SNX29: variants seen among roughly 807,000 people sequenced by gnomAD.
SNX29 encodes the protein sorting nexin-29.
Under a neutral mutation model 102.1 loss-of-function variants are expected in SNX29, and 78 were observed. The ratio of observed to expected loss-of-function variants is 0.76; its 90% CI spans 0.64 to 0.92. SNX29 has a LOEUF of 0.92. Ranked by LOEUF, SNX29 falls within the 40% of genes least tolerant of loss-of-function variation. The pLI is 0.00. For missense variants in SNX29, 1,280 were observed against 1,061.7 expected (o/e 1.21, Z -2.86); for synonymous variants, 580 against 414.5 (o/e 1.40, Z -4.85).
At chr16:12,299,525 A>G (rs1224327258) in intron 15 of SNX29, among the ~76,000 whole-genome samples, 3 of 152,280 alleles carry the variant, frequency 2.0e-5, no homozygotes, top group African/African-American at 7.2e-5. Context: ...CCAGACCTGG[A>G]AACACCTGTT....
At chr16:12,103,961 A>T (rs1396139462) in intron 11 of SNX29, among the ~76,000 whole-genome samples, 1 of 152,250 alleles carries the variant, frequency 6.6e-6, no homozygotes, top group Non-Finnish European at 1.5e-5. Context: ...TTATGTGATT[A>T]GAACCTTTCT....
chr16:12,566,436 A>G (rs964605143), intron 20 of SNX29, among the ~76,000 whole-genome samples: 3 of 147,758 alleles, frequency 2.0e-5, no homozygotes, highest in Non-Finnish European at 4.5e-5. Context: ...TCTCCCCCCA[A>G]GCTCTGGTCA....
intron 20 of SNX29, among the ~76,000 whole-genome samples, chr16:12,535,019 T>A (rs1373620187): frequency 6.6e-6 from 1 of 152,134 alleles, no homozygotes; most frequent in Non-Finnish European, 1.5e-5. Flanking sequence ...CCTGAGAAGC[T>A]GGCTCGTTGG....
chr16:12,371,397 C>T (rs1403432470), intron 16 of SNX29, among the ~76,000 whole-genome samples: 2 of 152,136 alleles, frequency 1.3e-5, no homozygotes, highest in Non-Finnish European at 2.9e-5. Flanking sequence ...CTCCTGGGCT[C>T]AGCGATCCTT....
intron 20 of SNX29, among the ~76,000 whole-genome samples, chr16:12,531,457 A>C (rs2076930493): frequency 6.6e-6 from 1 of 152,174 alleles, no homozygotes; most frequent in Non-Finnish European, 1.5e-5. Context: ...GCCAAGAGGA[A>C]AGGGGGACAT....
In SNX29 at chr16:12,467,106, C is replaced by T. The variant is rs145922208; in HGVS notation, c.2038-10613C>T. Among the ~76,000 whole-genome samples the T allele has an allele frequency of 4.0e-3, 603 of 152,258 alleles. 5 individuals carry two copies. Among genetic ancestry groups the T allele is most frequent in the African/African-American group, 0.014 (575 of 41,540 alleles). On this transcript the variant is annotated intron_variant, in intron 18 of 20. Coordinates refer to ENST00000566228, the MANE Select transcript of SNX29 (RefSeq NM_032167.5). ...AGTCGGGCAGACCTGGGCTTCAGTC[C>T]TTGTTTCACTTCTAACTAGCTCTTT...
At chr16:12,168,055 C>T (rs1163832074) in intron 13 of SNX29, among the ~76,000 whole-genome samples, 19 of 152,318 alleles carry the variant, frequency 1.2e-4, no homozygotes, top group Admixed American at 1.1e-3. Context: ...CACAGTGTCC[C>T]AGGCACTGGG....
At chr16:12,429,386 T>C (rs1446631818) in intron 18 of SNX29, among the ~76,000 whole-genome samples, 1 of 152,240 alleles carries the variant, frequency 6.6e-6, no homozygotes. Context: ...TTTTCTTTAG[T>C]TGGAATCGTG....
chr16:12,458,592 T>C (rs2086635769), intron 18 of SNX29, among the ~76,000 whole-genome samples: 1 of 152,226 alleles, frequency 6.6e-6, no homozygotes. Context: ...CTCTTGGTGT[T>C]GGCTGCAAGG....
At position 12,351,674 on chromosome 16, in the gene SNX29, T is replaced by C. The variant is rs556424189; in HGVS notation, c.1783-4489T>C. On this transcript the variant is annotated intron_variant, in intron 15 of 20. Coordinates refer to ENST00000566228, the MANE Select transcript of SNX29 (RefSeq NM_032167.5). ...CTTAAAAGTTTTCTCACAGCCACAT[T>C]ATTTTTGGAGATCATCTTTCCTGAT... 6.6e-5 allele frequency among the ~76,000 whole-genome samples: 10 copies of C among 152,304 alleles called. No homozygotes were observed. In the East Asian group the frequency reaches 1.9e-3, roughly 29 times the overall value.
chr16:12,340,373 A>G (rs2081576415), intron 15 of SNX29, among the ~76,000 whole-genome samples: 1 of 152,230 alleles, frequency 6.6e-6, no homozygotes, highest in Non-Finnish European at 1.5e-5. Context: ...GTCAGTAAGC[A>G]TTCCTAACCT....
intron 18 of SNX29, 69 bp from the exon 19 acceptor site, chr16:12,477,650 G>C: frequency 1.3e-6 from 2 of 1,575,658 alleles, no homozygotes; most frequent in Non-Finnish European, 1.7e-6. Flanking sequence ...CATGGGGAAA[G>C]CATAGCCGAA....
At chr16:12,390,496 C>A (rs2083492759) in intron 16 of SNX29, among the ~76,000 whole-genome samples, 2 of 152,134 alleles carry the variant, frequency 1.3e-5, no homozygotes, top group African/African-American at 2.4e-5. Context: ...AGCCCCGGGA[C>A]TTCCTCTCCC....
At chr16:12,133,162 GC>G (rs1342378586) in intron 13 of SNX29, among the ~76,000 whole-genome samples, 1 of 152,164 alleles carries the variant, frequency 6.6e-6, no homozygotes, top group Non-Finnish European at 1.5e-5. Context: ...TACAGCTAGG[GC>G]TTTATGGTCC....
intron 20 of SNX29, among the ~76,000 whole-genome samples, chr16:12,550,292 T>G (rs2077888961): frequency 6.6e-6 from 1 of 152,190 alleles, no homozygotes; most frequent in African/African-American, 2.4e-5. Context: ...ATCCCAGTAC[T>G]GTGGGAGGCC....
chr16:12,239,819 CAA>C (rs35375529), intron 14 of SNX29, among the ~76,000 whole-genome samples: 57 of 148,098 alleles, frequency 3.8e-4, no homozygotes, highest in Non-Finnish European at 7.3e-4. Flanking sequence ...CACCCTGTCT[CAA>C]AAAAAAAAAT....
intron 14 of SNX29, among the ~76,000 whole-genome samples, chr16:12,253,677 T>C (rs895889052): frequency 3.3e-5 from 5 of 152,104 alleles, no homozygotes; most frequent in African/African-American, 1.2e-4. Context: ...CCACAGAGGC[T>C]TCAGACAGTC....
intron 15 of SNX29, among the ~76,000 whole-genome samples, chr16:12,321,961 C>G (rs1053164666): frequency 2.0e-5 from 3 of 152,140 alleles, no homozygotes; most frequent in Non-Finnish European, 4.4e-5. Context: ...ACTCAAACAT[C>G]AAAGCACCTG....
chr16:12,507,309 C>A (rs1383253948), intron 19 of SNX29, among the ~76,000 whole-genome samples: 1 of 152,210 alleles, frequency 6.6e-6, no homozygotes, highest in African/African-American at 2.4e-5. Flanking sequence ...TGTTTATAGT[C>A]AGAGAAGGAG....
Sources: gnomAD v4.1 joint callset for allele counts (sites outside exome capture counted in the v4.1 genomes callset) on GRCh38, gnomAD v4.1.1 for gene constraint, MANE v1.5 for transcripts, NCBI Gene and HGNC (gene_info 2026-07-23, HGNC 2026-07-21) for gene names.